The following PDE10A variants were observed in gnomAD, a reference collection of about 807,000 sequenced individuals.
The protein encoded by PDE10A is phosphodiesterase 10A.
In PDE10A, 39 loss-of-function variants were observed where a neutral mutation model predicts 97.7. The observed-to-expected ratio is 0.40, with a 90% CI of 0.31 to 0.52. The LOEUF (loss-of-function observed/expected upper bound fraction) is 0.52. Among genes scored for constraint, PDE10A ranks in the 20% least tolerant of loss-of-function variants. The pLI is 0.56. For synonymous variants in PDE10A, 371 were observed against 376.8 expected, an observed-to-expected ratio of 0.98 and a Z score of 0.18; for missense variants, 731 against 1,047.8, an observed-to-expected ratio of 0.70 and a Z score of 4.17.
intron 1 of PDE10A, among the ~76,000 whole-genome samples, chr6:165,617,641 C>T (rs1230066916): frequency 6.6e-6 from 1 of 152,094 alleles, no homozygotes; most frequent in Non-Finnish European, 1.5e-5. Context: ...AGTCTGCCCA[C>T]TCGGGACTAA....
At chr6:165,758,903 T>C (rs754529683) in intron 1 of PDE10A, among the ~76,000 whole-genome samples, 8 of 152,194 alleles carry the variant, frequency 5.3e-5, no homozygotes, top group Non-Finnish European at 8.8e-5. Flanking sequence ...TATCACATTG[T>C]GAAGTGTTGA....
At chr6:165,573,619 A>G (rs759036815) in intron 1 of PDE10A, among the ~76,000 whole-genome samples, 1 of 152,254 alleles carries the variant, frequency 6.6e-6, no homozygotes, top group African/African-American at 2.4e-5. Flanking sequence ...TCAAAGCCTT[A>G]TAAGTGGCAA....
At chr6:165,854,131 G>A (rs1016416466) in intron 1 of PDE10A, among the ~76,000 whole-genome samples, 3 of 152,180 alleles carry the variant, frequency 2.0e-5, no homozygotes, top group Non-Finnish European at 4.4e-5. Context: ...AGACCCTCCC[G>A]TGCCACGGGC....
intron 1 of PDE10A, among the ~76,000 whole-genome samples, chr6:165,676,645 G>T (rs991457533): frequency 6.6e-6 from 1 of 152,196 alleles, no homozygotes; most frequent in Non-Finnish European, 1.5e-5. Context: ...ACTAGGAGGT[G>T]GGGGGTGACC....
At chr6:165,985,839 C>T (rs1426290532) in intron 1 of PDE10A, among the ~76,000 whole-genome samples, 1 of 151,820 alleles carries the variant, frequency 6.6e-6, no homozygotes, top group East Asian at 1.9e-4. Flanking sequence ...CCCTTCCCAC[C>T]CCACCCTCCC....
At chr6:165,634,652 A>C (rs1404038360) in intron 1 of PDE10A, among the ~76,000 whole-genome samples, 12 of 152,246 alleles carry the variant, frequency 7.9e-5, no homozygotes, top group Non-Finnish European at 1.8e-4. Context: ...ACGCCACAAA[A>C]GTGACACACA....
intron 17 of PDE10A, among the ~76,000 whole-genome samples, chr6:165,382,039 A>G (rs894715776): frequency 2.6e-5 from 4 of 152,184 alleles, no homozygotes; most frequent in African/African-American, 9.7e-5. Flanking sequence ...GCATAAATCA[A>G]GCATGAAATA....
chr6:165,843,343 C>G (rs1446756663), intron 1 of PDE10A, among the ~76,000 whole-genome samples: 1 of 152,208 alleles, frequency 6.6e-6, no homozygotes, highest in Admixed American at 6.5e-5. Flanking sequence ...CAGGCATGCA[C>G]CAGCCTCCCC....
At chr6:165,405,967 C>T (rs561715246) in intron 13 of PDE10A, among the ~76,000 whole-genome samples, 1 of 152,052 alleles carries the variant, frequency 6.6e-6, no homozygotes, top group Non-Finnish European at 1.5e-5. Context: ...TCCATTAATT[C>T]TTAATCTGTA....
chr6:165,807,692 C>T (rs1352710366), intron 1 of PDE10A, among the ~76,000 whole-genome samples: 4 of 152,066 alleles, frequency 2.6e-5, no homozygotes, highest in Admixed American at 6.6e-5. Context: ...CACAAGTCCT[C>T]TTAGAAATTC....
intron 1 of PDE10A, among the ~76,000 whole-genome samples, chr6:165,908,332 G>A (rs1030653363): frequency 6.6e-6 from 1 of 152,180 alleles, no homozygotes; most frequent in African/African-American, 2.4e-5. Context: ...GCCTCCCAAA[G>A]GAGACAGTCC....
At chr6:165,406,459 TC>T (rs1016656435) in intron 13 of PDE10A, among the ~76,000 whole-genome samples, 1 of 152,168 alleles carries the variant, frequency 6.6e-6, no homozygotes, top group African/African-American at 2.4e-5. Flanking sequence ...TGGAAGTATG[TC>T]CCAAGTGTTA....
intron 2 of PDE10A, among the ~76,000 whole-genome samples, chr6:165,501,222 T>C (rs1780859912): frequency 6.6e-6 from 1 of 151,990 alleles, no homozygotes; most frequent in Non-Finnish European, 1.5e-5. Flanking sequence ...CACCCACAGG[T>C]GTGGAGGGGC....
chr6:165,590,578 T>C (rs2128384299), intron 1 of PDE10A, among the ~76,000 whole-genome samples: 1 of 152,242 alleles, frequency 6.6e-6, no homozygotes, highest in African/African-American at 2.4e-5. Flanking sequence ...TTACAATCTG[T>C]TTTGGGTAGA....
At chr6:165,571,949 G>A (rs1333987916) in intron 1 of PDE10A, among the ~76,000 whole-genome samples, 2 of 152,162 alleles carry the variant, frequency 1.3e-5, no homozygotes, top group Non-Finnish European at 2.9e-5. Context: ...ACTAAGAAAT[G>A]CTATGAGTAG....
intron 1 of PDE10A, among the ~76,000 whole-genome samples, chr6:165,724,491 G>A (rs938823908): frequency 2.6e-5 from 4 of 152,168 alleles, no homozygotes; most frequent in East Asian, 1.9e-4. Flanking sequence ...AATCAGGCTC[G>A]CCCCCATGGC....
At chr6:165,620,107 T>C (rs751510762) in intron 1 of PDE10A, among the ~76,000 whole-genome samples, 1 of 152,200 alleles carries the variant, frequency 6.6e-6, no homozygotes, top group Admixed American at 6.5e-5. Flanking sequence ...TCTCCATTAA[T>C]TGTATTATTT....
intron 2 of PDE10A, among the ~76,000 whole-genome samples, chr6:165,487,637 G>A (rs1052498413): frequency 5.9e-5 from 9 of 152,104 alleles, no homozygotes; most frequent in Non-Finnish European, 1.3e-4. Flanking sequence ...AGTCACTAGT[G>A]ATATTACATT....
At chr6:165,413,478 G>A (rs758019860) in intron 13 of PDE10A, 23 bp downstream of exon 13, 2 of 1,518,330 alleles carry the variant, frequency 1.3e-6, no homozygotes, top group Admixed American at 3.5e-5. Flanking sequence ...AGTAAAAAAT[G>A]GTATTTAATA....
Sources: allele counts gnomAD v4.1 joint callset (sites outside exome capture counted in the v4.1 genomes callset), GRCh38; gene constraint gnomAD v4.1.1; transcripts MANE v1.5; gene names NCBI Gene and HGNC (gene_info 2026-07-23, HGNC 2026-07-21).